Variants in PHF2 observed in about 807,000 individuals in gnomAD.
PHF2 encodes the protein lysine-specific demethylase PHF2.
PHF2 carries 27 observed loss-of-function variants against 120.5 expected under a neutral mutation model. The observed-to-expected ratio is 0.22, with a 90% CI of 0.17 to 0.31. PHF2 has a LOEUF of 0.31. Among genes scored for constraint, PHF2 ranks in the 10% least tolerant of loss-of-function variants. The pLI is 1.00. For missense variants in PHF2, 1,024 were observed against 1,434.8 expected (o/e 0.71, Z 4.63); for synonymous variants, 568 against 592.5 (o/e 0.96, Z 0.60).
chr9:93,592,284 C>T (rs1825242014), intron 1 of PHF2, among the ~76,000 whole-genome samples: 1 of 152,184 alleles, frequency 6.6e-6, no homozygotes, highest in Non-Finnish European at 1.5e-5. Context: ...CTGCTGGTCC[C>T]CACTGTGGGA....
rs1206565435 is a variant in PHF2 at position 93,678,941 on chromosome 9, ACT to A, written c.*1268_*1269del. 3.9e-6 allele frequency: 1 copy of A among 256,942 alleles called. No individual in the cohort carries two copies. The highest frequency in any genetic ancestry group is 3.7e-5 in the South Asian group (1 of 27,070). 15.9% of individuals were successfully genotyped at this position (256,942 alleles called of 1,614,324 possible). Reference sequence around the variant, plus strand: ...ACAAGTGATGTCTGTGCAGCCTTACACTCTGTCTTTACAGAAGCAAATAGTAC... The same window carrying A: ...ACAAGTGATGTCTGTGCAGCCTTACACTGTCTTTACAGAAGCAAATAGTAC... On this transcript the variant is annotated 3_prime_UTR_variant, in exon 22 of 22. Transcript: ENST00000359246.
chr9:93,592,100 G>C (rs1825238217), intron 1 of PHF2, among the ~76,000 whole-genome samples: 1 of 152,212 alleles, frequency 6.6e-6, no homozygotes, highest in African/African-American at 2.4e-5. Flanking sequence ...CATTCTTGGA[G>C]GTCCCCAGTC....
intron 1 of PHF2, among the ~76,000 whole-genome samples, chr9:93,596,283 G>A (rs1287839438): frequency 6.6e-6 from 1 of 152,194 alleles, no homozygotes; most frequent in Non-Finnish European, 1.5e-5. Flanking sequence ...GGCAGCTGGA[G>A]GAGTGGAGCT....
chr9:93,642,645 G>A (rs919554101), intron 3 of PHF2, among the ~76,000 whole-genome samples: 1 of 152,162 alleles, frequency 6.6e-6, no homozygotes, highest in Non-Finnish European at 1.5e-5. Context: ...ATTGTTTGAT[G>A]TACTCAGTAC....
intron 1 of PHF2, among the ~76,000 whole-genome samples, chr9:93,601,182 C>CT (rs1554791792): frequency 1.3e-5 from 2 of 152,226 alleles, no homozygotes; most frequent in East Asian, 1.9e-4. Flanking sequence ...GTGTACAGAG[C>CT]TTTGCATTCC....
chr9:93,608,293 A>T (rs1240274653), intron 1 of PHF2, among the ~76,000 whole-genome samples: 1 of 151,532 alleles, frequency 6.6e-6, no homozygotes, highest in Non-Finnish European at 1.5e-5. Flanking sequence ...ACTGTACTCT[A>T]GCCTGGGCAA....
chr9:93,649,557 G>A (rs1364377348), intron 5 of PHF2, among the ~76,000 whole-genome samples: 1 of 151,962 alleles, frequency 6.6e-6, no homozygotes, highest in East Asian at 1.9e-4. Flanking sequence ...ACAATGTGTA[G>A]TTTTTTCCAG....
chr9:93,624,197 T>A (rs542516884), intron 1 of PHF2, among the ~76,000 whole-genome samples: 2 of 152,342 alleles, frequency 1.3e-5, no homozygotes, highest in South Asian at 4.1e-4. Context: ...CTCTTAGAGT[T>A]CTTAGCATGC....
chr9:93,675,247 A>T (rs950823125), intron 19 of PHF2, among the ~76,000 whole-genome samples: 28 of 152,088 alleles, frequency 1.8e-4, no homozygotes, highest in African/African-American at 6.3e-4. Context: ...ATGTGCTTCT[A>T]CACAGCCCCA....
intron 17 of PHF2, among the ~76,000 whole-genome samples, chr9:93,671,718 A>T (rs1414738359): frequency 7.2e-6 from 1 of 139,012 alleles, no homozygotes; most frequent in Non-Finnish European, 1.6e-5. Flanking sequence ...ACAGGTGTAG[A>T]TGCAGGTGTG....
At chr9:93,628,174 T>A (rs1034213200) in intron 1 of PHF2, among the ~76,000 whole-genome samples, 1 of 152,212 alleles carries the variant, frequency 6.6e-6, no homozygotes, top group African/African-American at 2.4e-5. Context: ...TGTTGAGGAT[T>A]TTTACATCAA....
chr9:93,601,647 C>A (rs1258383776), intron 1 of PHF2, among the ~76,000 whole-genome samples: 1 of 152,008 alleles, frequency 6.6e-6, no homozygotes, highest in Non-Finnish European at 1.5e-5. Context: ...CAGGGGATGG[C>A]TCAGTGTGCA....
intron 1 of PHF2, among the ~76,000 whole-genome samples, chr9:93,621,331 G>A (rs1411724607): frequency 6.6e-6 from 1 of 152,210 alleles, no homozygotes; most frequent in Admixed American, 6.5e-5. Context: ...GCGGCAGAAG[G>A]ACCCTTCCAC....
At chr9:93,645,869 C>G in intron 4 of PHF2, 80 bp downstream of exon 4, 1 of 1,446,770 alleles carries the variant, frequency 6.9e-7, no homozygotes, top group Middle Eastern at 2.6e-4. Context: ...TGCTGTTTCC[C>G]CACGCCCTGG....
At chr9:93,601,949 G>A (rs907988264) in intron 1 of PHF2, among the ~76,000 whole-genome samples, 1 of 151,520 alleles carries the variant, frequency 6.6e-6, no homozygotes, top group Admixed American at 6.6e-5. Context: ...GTAGGGTGGG[G>A]TGGGGGTGGC....
chr9:93,665,565 G>A (rs1241238687), intron 14 of PHF2, 121 bp from the exon 15 acceptor site: 66 of 1,055,418 alleles, frequency 6.3e-5, no homozygotes, highest in South Asian at 4.5e-4. Flanking sequence ...TAGTGGCAAC[G>A]TCACCTGCCT....
rs770485909 is a variant in PHF2, at chr9:93,677,735, A to G, written c.*59A>G. ...AGGACCCCCGGAGCCCCGCGAAAAC[A>G]TCTGCCTCCCAGGAGGGTGCCGAGC... On this transcript the variant is annotated 3_prime_UTR_variant, in exon 22 of 22. Transcript: ENST00000359246. The surrounding 1 kb of genome is among the most constrained non-coding windows in gnomAD (Gnocchi z 4.4). 418 of 1,331,022 alleles carry G rather than the reference A, an allele frequency of 3.1e-4. No individual in the cohort carries two copies. Among genetic ancestry groups the G allele is most frequent in the Non-Finnish European group, 4.2e-4 (392 of 932,086 alleles). 82.5% of individuals were successfully genotyped at this position (1,331,022 alleles called of 1,614,324 possible).
chr9:93,643,657 C>T (rs1305750593), intron 3 of PHF2, among the ~76,000 whole-genome samples: 1 of 152,160 alleles, frequency 6.6e-6, no homozygotes, highest in Non-Finnish European at 1.5e-5. Context: ...AACTGCTCTC[C>T]TTGAGGCTTT....
At chr9:93,657,636 G>C (rs553267982) in intron 9 of PHF2, among the ~76,000 whole-genome samples, 17 of 152,200 alleles carry the variant, frequency 1.1e-4, no homozygotes, top group African/African-American at 4.1e-4. Flanking sequence ...GTCCTGGTGC[G>C]TCAGAGCCCT....
Sources: gnomAD v4.1 joint callset for allele counts (sites outside exome capture counted in the v4.1 genomes callset) on GRCh38, gnomAD v4.1.1 for gene constraint, Gnocchi (gnomAD v3.1) non-coding constraint, MANE v1.5 for transcripts, NCBI Gene and HGNC (gene_info 2026-07-23, HGNC 2026-07-21) for gene names.